ARMC9: variants seen among roughly 807,000 people sequenced by gnomAD.
ARMC9 encodes the protein lisH domain-containing protein ARMC9.
A neutral mutation model predicts 107.0 loss-of-function variants in ARMC9; 94 were observed. The ratio of observed to expected loss-of-function variants is 0.88; its 90% CI spans 0.74 to 1.04. The LOEUF is 1.04. Ranked by LOEUF, ARMC9 falls within the 50% of genes least tolerant of loss-of-function variation. The probability of loss-of-function intolerance (pLI) is 0.00; values close to 1 mark genes in which losing one functional copy is unlikely to be tolerated. For synonymous variants in ARMC9, 380 were observed against 396.9 expected, an observed-to-expected ratio of 0.96 and a Z score of 0.51; for missense variants, 942 against 1,030.1, an observed-to-expected ratio of 0.91 and a Z score of 1.17.
intron 12 of ARMC9, among the ~76,000 whole-genome samples, chr2:231,268,278 T>C (rs2039021501): frequency 6.6e-6 from 1 of 152,164 alleles, no homozygotes; most frequent in African/African-American, 2.4e-5. Context: ...TAGCCACATG[T>C]TCGCTTTGTG....
chr2:231,343,902 G>GA (rs570333260), intron 20 of ARMC9, among the ~76,000 whole-genome samples: 3,922 of 137,128 alleles, frequency 0.029, 84 homozygotes, highest in Non-Finnish European at 0.044. Context: ...TCGTCTCGAG[G>GA]AAAAAAAAAA....
At chr2:231,336,676 T>C (rs543484419) in intron 20 of ARMC9, among the ~76,000 whole-genome samples, 1 of 152,352 alleles carries the variant, frequency 6.6e-6, no homozygotes, top group Admixed American at 6.5e-5. Context: ...CAAATTCATT[T>C]AGTTTTCCTA....
chr2:231,279,515 T>C (rs918771080), intron 16 of ARMC9, among the ~76,000 whole-genome samples: 2 of 145,488 alleles, frequency 1.4e-5, no homozygotes, highest in Non-Finnish European at 3.0e-5. Context: ...TTTTTTCTTT[T>C]TTTTTTTTTT....
At chr2:231,329,037 G>T (rs1400976597) in intron 19 of ARMC9, among the ~76,000 whole-genome samples, 12 of 151,638 alleles carry the variant, frequency 7.9e-5, no homozygotes, top group Non-Finnish European at 1.8e-4. Context: ...TAGCCAGAAT[G>T]GTCTTGATCT....
At chr2:231,200,806 G>A (rs1392452494) in intron 1 of ARMC9, among the ~76,000 whole-genome samples, 2 of 151,502 alleles carry the variant, frequency 1.3e-5, no homozygotes, top group East Asian at 1.9e-4. Flanking sequence ...CTGCACTCCA[G>A]CCTGGGCAAC....
In ARMC9 at chr2:231,363,846, T is replaced by A. The variant is rs1477512078; in HGVS notation, c.2261+2963T>A. Among the ~76,000 whole-genome samples, 4 of 127,386 alleles carry A rather than the reference T, an allele frequency of 3.1e-5. No homozygotes were observed. In the East Asian group the frequency reaches 9.5e-4, roughly 30 times the overall value. The allele number at this position is 127,386 out of a possible 152,430, so 83.6% of individuals were successfully genotyped here. On this transcript the variant is annotated intron_variant, in intron 23 of 24. Coordinates refer to ENST00000611582, the MANE Select transcript of ARMC9 (RefSeq NM_001352754.2). Reference sequence around the variant, plus strand: ...TTGCAGTGAGCCGAGATCGCACCACTGCACTCCAGCCTGGACGACAGAGTA... The same window carrying A: ...TTGCAGTGAGCCGAGATCGCACCACAGCACTCCAGCCTGGACGACAGAGTA...
chr2:231,247,114 C>A (rs1010474788), intron 9 of ARMC9, among the ~76,000 whole-genome samples: 2 of 152,136 alleles, frequency 1.3e-5, no homozygotes, highest in Non-Finnish European at 2.9e-5. Flanking sequence ...CGCCACCATG[C>A]CCTGCTAATT....
At chr2:231,276,520 T>C in intron 14 of ARMC9, 116 bp from the exon 15 acceptor site, 1 of 1,413,356 alleles carries the variant, frequency 7.1e-7, no homozygotes, top group Non-Finnish European at 9.7e-7. Flanking sequence ...TCCGTCCGCC[T>C]TGGCCTCCCA....
At chr2:231,369,703 C>G (rs904065151) in intron 23 of ARMC9, among the ~76,000 whole-genome samples, 7 of 152,008 alleles carry the variant, frequency 4.6e-5, no homozygotes, top group Non-Finnish European at 1.0e-4. Flanking sequence ...AAGCGGTTCT[C>G]CTGCCTCAGC....
intron 20 of ARMC9, among the ~76,000 whole-genome samples, chr2:231,342,877 C>T (rs1255553416): frequency 6.6e-6 from 1 of 151,970 alleles, no homozygotes; most frequent in Non-Finnish European, 1.5e-5. Flanking sequence ...CCCTTTCACT[C>T]TTCTTTCCAT....
intron 1 of ARMC9, among the ~76,000 whole-genome samples, chr2:231,202,149 G>T (rs1188158925): frequency 6.6e-6 from 1 of 151,592 alleles, no homozygotes; most frequent in Non-Finnish European, 1.5e-5. Context: ...ACAGGTGCCT[G>T]CCACCACACC....
rs1255667415 is a variant in ARMC9 at position 231,270,924 on chromosome 2, C to T, written c.1120-58C>T. On this transcript the variant is annotated intron_variant, in intron 12 of 24. Transcript: ENST00000611582. Reference sequence around the variant, plus strand: ...AGAACTACCAGACCCGAAGAGGAGGCGTGTGTTTATCTCTCCGTGTTCTTA... The same window carrying T: ...AGAACTACCAGACCCGAAGAGGAGGTGTGTGTTTATCTCTCCGTGTTCTTA... 47 of 1,441,246 alleles carry T rather than the reference C, an allele frequency of 3.3e-5. No homozygotes were observed. The East Asian group carries it at 3.4e-4, about 11-fold the overall frequency. The allele number at this position is 1,441,246 out of a possible 1,614,324, so 89.3% of individuals were successfully genotyped here. A position where few individuals can be genotyped will look rare whatever the true frequency, so the allele number is the denominator to read the frequency against.
intron 21 of ARMC9, among the ~76,000 whole-genome samples, chr2:231,346,728 A>T (rs2044833271): frequency 6.6e-6 from 1 of 152,242 alleles, no homozygotes; most frequent in Admixed American, 6.5e-5. Flanking sequence ...TAATATGGAT[A>T]TAGTATTATA....
At chr2:231,207,806 C>G (rs991689984) in intron 2 of ARMC9, among the ~76,000 whole-genome samples, 1 of 152,162 alleles carries the variant, frequency 6.6e-6, no homozygotes, top group Non-Finnish European at 1.5e-5. Flanking sequence ...TGAGGAACCT[C>G]CATACAGTTT....
chr2:231,281,920 C>T (rs895012747), intron 16 of ARMC9, 139 bp from the exon 17 acceptor site: 9 of 750,506 alleles, frequency 1.2e-5, no homozygotes, highest in Middle Eastern at 2.4e-4. Flanking sequence ...AAACATACAT[C>T]CTGGAGCACA....
intron 19 of ARMC9, among the ~76,000 whole-genome samples, chr2:231,319,161 T>C (rs1482448928): frequency 6.6e-6 from 1 of 152,124 alleles, no homozygotes; most frequent in Non-Finnish European, 1.5e-5. Context: ...AAGTGCTAGT[T>C]TACTAATTTA....
intron 22 of ARMC9, among the ~76,000 whole-genome samples, chr2:231,359,991 G>A (rs745364055): frequency 1.1e-4 from 16 of 152,174 alleles, no homozygotes; most frequent in South Asian, 2.1e-4. Flanking sequence ...AGGGAGTCAC[G>A]GATGCAGCCT....
intron 19 of ARMC9, among the ~76,000 whole-genome samples, chr2:231,303,969 C>T (rs1181225633): frequency 2.0e-5 from 3 of 151,328 alleles, no homozygotes; most frequent in East Asian, 2.0e-4. Context: ...TGGTGGCTCA[C>T]GCCTGTAATC....
intron 1 of ARMC9, among the ~76,000 whole-genome samples, chr2:231,204,510 C>T (rs1326444433): frequency 1.3e-5 from 2 of 152,184 alleles, no homozygotes; most frequent in Non-Finnish European, 2.9e-5. Flanking sequence ...CCGTCTCCTT[C>T]AGGTTCTGTC....
Sources: allele counts gnomAD v4.1 joint callset (sites outside exome capture counted in the v4.1 genomes callset), GRCh38; gene constraint gnomAD v4.1.1; transcripts MANE v1.5; gene names NCBI Gene and HGNC (gene_info 2026-07-23, HGNC 2026-07-21).